The following PTPRE variants were observed in gnomAD, a reference collection of about 807,000 sequenced individuals.
PTPRE encodes protein tyrosine phosphatase receptor type E.
A neutral mutation model predicts 102.0 loss-of-function variants in PTPRE; 51 were observed. That is an observed-to-expected ratio of 0.50 (90% CI 0.40 to 0.63). The LOEUF is 0.63. Among genes scored for constraint, PTPRE ranks in the 30% least tolerant of loss-of-function variants. PTPRE has a pLI of 0.00. For synonymous variants in PTPRE, 345 were observed against 348.2 expected (o/e 0.99, Z 0.10); for missense variants, 752 against 915.1 (o/e 0.82, Z 2.30).
chr10:127,965,419 G>A (rs529909039), intron 1 of PTPRE, among the ~76,000 whole-genome samples: 1 of 152,030 alleles, frequency 6.6e-6, no homozygotes, highest in African/African-American at 2.4e-5. Context: ...ATTCCACCTG[G>A]AGTTTGGGGG....
At chr10:128,003,589 T>A (rs746343596) in intron 2 of PTPRE, among the ~76,000 whole-genome samples, 38 of 152,172 alleles carry the variant, frequency 2.5e-4, no homozygotes, top group Admixed American at 1.3e-3. Flanking sequence ...GCTAGAAAAT[T>A]CAGAGGACAT....
chr10:127,952,083 A>G (rs547730755), intron 1 of PTPRE, among the ~76,000 whole-genome samples: 1 of 151,688 alleles, frequency 6.6e-6, no homozygotes, highest in South Asian at 2.1e-4. Flanking sequence ...ATATACCTTC[A>G]CTCTCCCACC....
At chr10:127,969,734 T>C (rs1850565590) in intron 1 of PTPRE, among the ~76,000 whole-genome samples, 1 of 151,848 alleles carries the variant, frequency 6.6e-6, no homozygotes, top group South Asian at 2.1e-4. Flanking sequence ...TCTTGTCATA[T>C]CACACGTAAA....
chr10:127,993,413 G>T (rs1027855027), intron 2 of PTPRE, among the ~76,000 whole-genome samples: 4 of 152,184 alleles, frequency 2.6e-5, no homozygotes, highest in Non-Finnish European at 4.4e-5. Context: ...CAGAGGGACA[G>T]AAAACAGTTG....
rs183596881 is a variant in PTPRE at position 127,959,128 on chromosome 10, T to C, written c.-30-23146T>C. On this transcript the variant is annotated intron_variant, in intron 1 of 20. Transcript: ENST00000254667. The stretch of plus-strand genomic sequence containing the variant: ...TCAGGCTGGTCTCGAACTCCCAACC[T>C]CAAGTGATCCGCCTGCCTTAGCCTC... 8.1e-3 allele frequency among the ~76,000 whole-genome samples: 1,231 copies of C among 152,328 alleles called. 17 individuals carry two copies. Among genetic ancestry groups the C allele is most frequent in the African/African-American group, 0.025 (1,025 of 41,578 alleles).
chr10:128,005,308 C>T (rs1343284572), intron 2 of PTPRE, among the ~76,000 whole-genome samples: 4 of 152,202 alleles, frequency 2.6e-5, no homozygotes, highest in Admixed American at 6.5e-5. Context: ...TTCCTCTCTT[C>T]GTTCTCTTCC....
At chr10:127,979,129 A>G (rs1162701773) in intron 1 of PTPRE, among the ~76,000 whole-genome samples, 1 of 152,180 alleles carries the variant, frequency 6.6e-6, no homozygotes, top group African/African-American at 2.4e-5. Context: ...TGCCCAGGGC[A>G]CTCCACAGCC....
intron 5 of PTPRE, among the ~76,000 whole-genome samples, chr10:128,048,476 T>C (rs971241794): frequency 6.6e-6 from 1 of 152,218 alleles, no homozygotes; most frequent in Non-Finnish European, 1.5e-5. Context: ...TAGTCAGTTC[T>C]ATGGTTTGGG....
rs1346524065 is a variant in PTPRE, at chr10:128,062,999, GCCAACGGCCAGGGTGCCGGGGCTGGGAC to G, written c.626-81_626-54del. 3 of 1,580,150 alleles carry G rather than the reference GCCAACGGCCAGGGTGCCGGGGCTGGGAC, an allele frequency of 1.9e-6. No individual in the cohort carries two copies. The East Asian group carries it at 6.8e-5, about 36-fold the overall frequency. Reference sequence around the variant, plus strand: ...GAAGGGAGTGAACAGCTGTCCAGGGGCCAACGGCCAGGGTGCCGGGGCTGGGACCCCAAAGGGACTTCCCTTCATGCCT... The same window carrying G: ...GAAGGGAGTGAACAGCTGTCCAGGGGCCCAAAGGGACTTCCCTTCATGCCT... On this transcript the variant is annotated intron_variant, in intron 9 of 20. Coordinates refer to ENST00000254667, the MANE Select transcript of PTPRE (RefSeq NM_006504.6).
At chr10:128,076,069 A>G (rs1215554770) in intron 17 of PTPRE, among the ~76,000 whole-genome samples, 2 of 152,240 alleles carry the variant, frequency 1.3e-5, no homozygotes, top group African/African-American at 4.8e-5. Flanking sequence ...AAATTGTTGC[A>G]TCGTGATTGG....
chr10:128,031,151 G>A (rs1846720733), intron 2 of PTPRE, among the ~76,000 whole-genome samples: 1 of 152,232 alleles, frequency 6.6e-6, no homozygotes, highest in Non-Finnish European at 1.5e-5. Context: ...AGGTACTCTT[G>A]AGTCTACAGT....
At position 128,033,072 on chromosome 10, in the gene PTPRE, G is replaced by A. The variant is rs143835908; in HGVS notation, c.-7-7803G>A. The stretch of plus-strand genomic sequence containing the variant: ...GGGCTGTAATGGTGTCGCTGACCAC[G>A]TAGAAGCCAGGAAGAAATAAAAAGC... On this transcript the variant is annotated intron_variant, in intron 2 of 20. Transcript: ENST00000254667. Among the ~76,000 whole-genome samples, 286 of 152,264 alleles carry A rather than the reference G, an allele frequency of 1.9e-3. 1 individual carries two copies. The highest frequency in any genetic ancestry group is 6.6e-3 in the African/African-American group (274 of 41,550).
At chr10:128,026,845 G>GT (rs1393158904) in intron 2 of PTPRE, among the ~76,000 whole-genome samples, 2 of 152,160 alleles carry the variant, frequency 1.3e-5, no homozygotes, top group East Asian at 1.9e-4. Context: ...ACCATTAAGG[G>GT]TTTTTTATTG....
rs1333304713 is a variant in PTPRE at position 128,070,635 on chromosome 10, TAGC to T, written c.1294-169_1294-167del. Among the ~76,000 whole-genome samples the T allele has an allele frequency of 6.6e-6, 1 of 152,204 alleles. No individual in the cohort carries two copies. The highest frequency in any genetic ancestry group is 1.5e-5 in the Non-Finnish European group (1 of 68,028). Reference sequence around the variant, plus strand: ...GGATCAGGTGGCTTTCAGAGCCTCATAGCAGCCCTACTAGGCACACATTTGTAT... The same window carrying T: ...GGATCAGGTGGCTTTCAGAGCCTCATAGCCCTACTAGGCACACATTTGTAT... On this transcript the variant is annotated intron_variant, in intron 14 of 20. Coordinates refer to ENST00000254667, the MANE Select transcript of PTPRE (RefSeq NM_006504.6). The surrounding 1 kb of genome is among the most constrained non-coding windows in gnomAD (Gnocchi z 4.8).
rs750170093 is a variant in PTPRE, at chr10:128,068,241, A to G, written c.962A>G (p.Lys321Arg). ...ATGCTGAAGTTCCTCAAGAAAGTAAAGACGCTCAACCCCGTGCACGCTGGG... is the reference window on the plus strand; with the variant it reads ...ATGCTGAAGTTCCTCAAGAAAGTAAGGACGCTCAACCCCGTGCACGCTGGG... ...IGMLKFLKKV[K>R]TLNPVHAGPI... is the part of the protein sequence containing the mutation. The change falls in exon 12 of 21, where the codon AAG becomes AGG. Residue 321 changes from lysine (K) to arginine (R), a missense_variant. By Grantham distance (26) the Lys-to-Arg change is conservative. Transcript: ENST00000254667. 3.1e-6 allele frequency: 5 copies of G among 1,614,030 alleles called. No individual in the cohort carries two copies. The highest frequency in any genetic ancestry group is 3.3e-5 in the Admixed American group (2 of 60,000).
chr10:127,979,986 G>A (rs11815722), intron 1 of PTPRE, among the ~76,000 whole-genome samples: 6,694 of 152,164 alleles, frequency 0.044, 398 homozygotes, highest in African/African-American at 0.13. Flanking sequence ...TCCCTTGCTT[G>A]GCCCCAGTCA....
At chr10:127,952,369 CAA>C (rs769059757) in intron 1 of PTPRE, among the ~76,000 whole-genome samples, 37 of 131,292 alleles carry the variant, frequency 2.8e-4, no homozygotes, top group Middle Eastern at 4.2e-3. Flanking sequence ...TCACCCAAAC[CAA>C]AAAAAGTTTA....
At chr10:128,059,778 G>A (rs998065046) in intron 7 of PTPRE, among the ~76,000 whole-genome samples, 4 of 152,102 alleles carry the variant, frequency 2.6e-5, no homozygotes, top group African/African-American at 7.2e-5. Flanking sequence ...CAAACAAAAC[G>A]TGCAAAACCC....
At chr10:127,947,938 C>A (rs776027489) in intron 1 of PTPRE, among the ~76,000 whole-genome samples, 3 of 152,134 alleles carry the variant, frequency 2.0e-5, no homozygotes, top group Non-Finnish European at 4.4e-5. Context: ...GCCAACCCCC[C>A]AATAAATACC....
Sources: allele counts gnomAD v4.1 joint callset (sites outside exome capture counted in the v4.1 genomes callset), GRCh38; gene constraint gnomAD v4.1.1; non-coding constraint Gnocchi (gnomAD v3.1); transcripts MANE v1.5; gene names NCBI Gene and HGNC (gene_info 2026-07-23, HGNC 2026-07-21).